DENND2C: variants seen among roughly 807,000 people sequenced by gnomAD.
DENND2C encodes DENN domain containing 2C, also known as DENN domain-containing protein 2C.
Under a neutral mutation model 112.4 loss-of-function variants are expected in DENND2C, and 72 were observed. The observed-to-expected ratio is 0.64, with a 90% CI of 0.53 to 0.78. The LOEUF (loss-of-function observed/expected upper bound fraction) is 0.78. DENND2C is among the 30% of genes least tolerant of loss of function. The pLI is 0.00. For synonymous variants in DENND2C, 329 were observed against 381.6 expected, an observed-to-expected ratio of 0.86 and a Z score of 1.61; for missense variants, 992 against 1,113.8, an observed-to-expected ratio of 0.89 and a Z score of 1.56.
intron 3 of DENND2C, among the ~76,000 whole-genome samples, chr1:114,637,575 G>A (rs556969144): frequency 4.0e-5 from 6 of 151,756 alleles, no homozygotes; most frequent in Admixed American, 6.6e-5. Context: ...GGAGTGCAGT[G>A]GTGGGATCTC....
chr1:114,657,360 G>T, intron 1 of DENND2C, among the ~76,000 whole-genome samples: 1 of 151,886 alleles, frequency 6.6e-6, no homozygotes, highest in African/African-American at 2.4e-5. Flanking sequence ...ATCATGTTCT[G>T]TTAGAATTGA....
intron 3 of DENND2C, among the ~76,000 whole-genome samples, chr1:114,633,280 A>G (rs1656545120): frequency 6.6e-6 from 1 of 151,848 alleles, no homozygotes; most frequent in African/African-American, 2.4e-5. Context: ...CCCCGTCCCT[A>G]CTAAAAATAC....
chr1:114,633,882 T>C (rs1302302405), intron 3 of DENND2C, among the ~76,000 whole-genome samples: 3 of 152,190 alleles, frequency 2.0e-5, no homozygotes, highest in Non-Finnish European at 4.4e-5. Flanking sequence ...CCTAACTCTA[T>C]GCTGTTCATA....
chr1:114,588,024 G>T, intron 18 of DENND2C, 72 bp from the exon 19 acceptor site: 2 of 1,305,730 alleles, frequency 1.5e-6, no homozygotes, highest in Non-Finnish European at 2.1e-6. Flanking sequence ...ACTGGCTCTG[G>T]TTATGGAAGT....
chr1:114,664,626 C>T (rs1321095490), intron 1 of DENND2C, among the ~76,000 whole-genome samples: 7 of 151,710 alleles, frequency 4.6e-5, no homozygotes, highest in African/African-American at 1.2e-4. Flanking sequence ...ACTACAGACA[C>T]GCGCCACCAC....
intron 3 of DENND2C, among the ~76,000 whole-genome samples, 162 bp from the exon 4 acceptor site, chr1:114,626,350 A>C (rs779573912): frequency 6.6e-5 from 10 of 152,194 alleles, no homozygotes; most frequent in Non-Finnish European, 1.3e-4. Flanking sequence ...AGGCACTCCT[A>C]AGATGGTGAG....
intron 3 of DENND2C, among the ~76,000 whole-genome samples, chr1:114,633,558 A>T (rs1656559960): frequency 6.6e-6 from 1 of 151,962 alleles, no homozygotes; most frequent in South Asian, 2.1e-4. Context: ...ACATAATTTG[A>T]AAGTGATGTG....
chr1:114,600,142 A>G, intron 15 of DENND2C, 62 bp downstream of exon 15: 1 of 1,552,040 alleles, frequency 6.4e-7, no homozygotes, highest in Non-Finnish European at 8.7e-7. Context: ...AAATGCCCCA[A>G]TTTTAAAATT....
chr1:114,621,091 A>C (rs1328414663), intron 7 of DENND2C, among the ~76,000 whole-genome samples: 3 of 152,180 alleles, frequency 2.0e-5, no homozygotes, highest in South Asian at 2.1e-4. Context: ...GAAAGTTTAA[A>C]ATTTTTTCAT....
Position 114,623,562 on chromosome 1 carries a change from A to G in DENND2C, c.888T>C (p.Ser296=). The G allele has an allele frequency of 6.2e-7, 1 of 1,610,582 alleles. No individual in the cohort carries two copies. The highest frequency in any genetic ancestry group is 8.5e-7 in the Non-Finnish European group (1 of 1,178,350). ...QTIREELGRN[S]GSALYYTQSE... ...ACTGTGTGTAATAAAGTGCTGACCCAGAATTTCTTCCAAGTTCTTCACGAA... is the reference window on the plus strand; with the variant it reads ...ACTGTGTGTAATAAAGTGCTGACCCGGAATTTCTTCCAAGTTCTTCACGAA... Residue 296 remains serine, a synonymous_variant, in exon 5 of 21, where the codon TCT becomes TCC. Coordinates refer to ENST00000393274, the MANE Select transcript of DENND2C (RefSeq NM_001256404.2).
At chr1:114,646,218 C>T (rs189183069) in intron 2 of DENND2C, among the ~76,000 whole-genome samples, 19 of 152,196 alleles carry the variant, frequency 1.2e-4, no homozygotes, top group African/African-American at 3.6e-4. Context: ...TGAGCCACTG[C>T]GCCCGGCCTG....
intron 14 of DENND2C, 147 bp downstream of exon 14, chr1:114,600,673 T>G (rs1285239859): frequency 1.8e-6 from 2 of 1,124,148 alleles, no homozygotes; most frequent in Non-Finnish European, 2.5e-6. Context: ...ATCAACTGGA[T>G]ATTTCTCCAG....
intron 16 of DENND2C, 131 bp downstream of exon 16, chr1:114,599,143 A>T (rs1655424089): frequency 1.6e-6 from 1 of 613,292 alleles, no homozygotes; most frequent in Non-Finnish European, 2.4e-6. Context: ...GCAATATTAT[A>T]ATAATTTAAT....
At chr1:114,650,982 G>A (rs11102828) in intron 2 of DENND2C, among the ~76,000 whole-genome samples, 65,702 of 151,648 alleles carry the variant, frequency 0.43, 14,612 homozygotes, top group East Asian at 0.51. Flanking sequence ...GGTGGCAAGC[G>A]CCTGTAGTCC....
At chr1:114,639,847 T>G (rs1390074117) in intron 3 of DENND2C, among the ~76,000 whole-genome samples, 1 of 152,090 alleles carries the variant, frequency 6.6e-6, no homozygotes, top group Non-Finnish European at 1.5e-5. Context: ...ATGAACTACC[T>G]GGCCACCACT....
intron 8 of DENND2C, among the ~76,000 whole-genome samples, chr1:114,611,581 G>GC (rs773519592): frequency 5.3e-5 from 8 of 152,136 alleles, no homozygotes; most frequent in Non-Finnish European, 1.2e-4. Flanking sequence ...TACCAAGTCA[G>GC]CCTACCTCTT....
At chr1:114,656,395 T>G (rs1354464006) in intron 1 of DENND2C, among the ~76,000 whole-genome samples, 1 of 114,194 alleles carries the variant, frequency 8.8e-6, no homozygotes, top group Non-Finnish European at 1.8e-5. Flanking sequence ...TTCTTTTTCT[T>G]TCTTTCTTTT....
intron 13 of DENND2C, 57 bp from the exon 14 acceptor site, chr1:114,601,017 C>A: frequency 6.5e-7 from 1 of 1,530,084 alleles, no homozygotes; most frequent in South Asian, 1.3e-5. Flanking sequence ...TAAAAGAATG[C>A]CATTACAGGA....
In DENND2C at chr1:114,588,843, C is replaced by T. The variant is rs41274122; in HGVS notation, c.2432-891G>A. Among the ~76,000 whole-genome samples, 566 of 152,278 alleles carry T rather than the reference C, an allele frequency of 3.7e-3. 2 individuals are homozygous for T. Among genetic ancestry groups the T allele is most frequent in the Non-Finnish European group, 6.8e-3 (464 of 68,034 alleles). On this transcript the variant is annotated intron_variant, in intron 18 of 20. Transcript: ENST00000393274. ...CTCCTGGGCTCAAGCAATTCTCCCA[C>T]CTCAGCATTCCAAAGTGCTGGCATT...
Sources: gnomAD v4.1 joint callset for allele counts (sites outside exome capture counted in the v4.1 genomes callset) on GRCh38, gnomAD v4.1.1 for gene constraint, MANE v1.5 for transcripts, NCBI Gene and HGNC (gene_info 2026-07-23, HGNC 2026-07-21) for gene names.